Variants in GPR160 observed in about 807,000 individuals in gnomAD.
The protein encoded by GPR160 is probable G protein-coupled receptor 160.
GPR160 carries 2 observed loss-of-function variants against 2.6 expected under a neutral mutation model. The observed-to-expected ratio is 0.77, with a 90% confidence interval of 0.32 to 2.44. The LOEUF is 2.44. GPR160 is among the 30% of genes most tolerant of loss of function. GPR160 has a pLI of 0.11. For synonymous variants in GPR160, 130 were observed against 132.2 expected (o/e 0.98, Z 0.12); for missense variants, 351 against 383.6 (o/e 0.91, Z 0.71).
At chr3:170,052,717 A>G (rs1486377026) in intron 2 of GPR160, among the ~76,000 whole-genome samples, 4 of 152,202 alleles carry the variant, frequency 2.6e-5, no homozygotes, top group African/African-American at 7.2e-5. Flanking sequence ...GATGAACAGA[A>G]GAATCTAATT....
chr3:170,071,315 G>A (rs1374810772), intron 2 of GPR160, among the ~76,000 whole-genome samples: 1 of 152,162 alleles, frequency 6.6e-6, no homozygotes, highest in Non-Finnish European at 1.5e-5. Context: ...GTTCACGCAA[G>A]AGCTGGTCAT....
intron 2 of GPR160, among the ~76,000 whole-genome samples, chr3:170,076,385 C>T (rs763949153): frequency 3.3e-5 from 5 of 151,968 alleles, no homozygotes; most frequent in African/African-American, 2.4e-5. Flanking sequence ...ACACATCAAG[C>T]GAAGACCACA....
chr3:170,050,840 TTATC>T (rs1236093950), intron 2 of GPR160, among the ~76,000 whole-genome samples: 1 of 152,238 alleles, frequency 6.6e-6, no homozygotes, highest in East Asian at 1.9e-4. Context: ...TGCATTTTAT[TTATC>T]CACTCACCAG....
chr3:170,075,937 T>C (rs1175303175), intron 2 of GPR160, among the ~76,000 whole-genome samples: 1 of 152,196 alleles, frequency 6.6e-6, no homozygotes, highest in Non-Finnish European at 1.5e-5. Context: ...TAATTCTTGG[T>C]TATGTTCTAC....
intron 3 of GPR160, 54 bp from the exon 4 acceptor site, chr3:170,083,851 T>C: frequency 4.0e-6 from 2 of 499,634 alleles, no homozygotes; most frequent in Non-Finnish European, 7.0e-6. Context: ...GGTGCTTGCT[T>C]TGTAAAGTTT....
chr3:170,038,668 G>T lies in GPR160; in HGVS notation c.-321-247G>T, dbSNP rs997717927. On this transcript the variant is annotated intron_variant, in intron 1 of 3. Coordinates refer to ENST00000355897, the MANE Select transcript of GPR160 (RefSeq NM_014373.3). This position sits in a 1 kb window ranked among gnomAD's most constrained non-coding sequence, Gnocchi z 5.3. ...CTCACACACACGCGCGCGCGCGCGC[G>T]TGCGTGCATTCATTGGGGCCGACTT... 1 of 151,918 alleles carries T rather than the reference G, an allele frequency of 6.6e-6. No individual in the cohort carries two copies. The highest frequency in any genetic ancestry group is 6.5e-5 in the Admixed American group (1 of 15,272). The allele number at this position is 151,918 out of a possible 1,614,324, so 9.4% of individuals were successfully genotyped here.
At chr3:170,063,276 GT>G (rs1404665668) in intron 2 of GPR160, 1 of 151,634 alleles carries the variant, frequency 6.6e-6, no homozygotes, top group African/African-American at 2.4e-5. Context: ...GCTCACACCT[GT>G]AATCCCAGCA....
intron 2 of GPR160, among the ~76,000 whole-genome samples, chr3:170,064,541 C>T (rs1712207974): frequency 1.2e-5 from 1 of 85,718 alleles, no homozygotes; most frequent in Non-Finnish European, 2.4e-5. Flanking sequence ...TTTTTTGAGG[C>T]AGAGTCTCAC....
rs746390452 is a variant in GPR160 at position 170,084,571 on chromosome 3, G to T, written c.599G>T (p.Cys200Phe). 3 of 1,612,838 alleles carry T rather than the reference G, an allele frequency of 1.9e-6. No individual in the cohort carries two copies. The highest frequency in any genetic ancestry group is 1.1e-5 in the South Asian group (1 of 91,064). Residue 200 changes from cysteine to phenylalanine, a missense_variant, in exon 4 of 4, where the codon TGT (cysteine) becomes TTT (phenylalanine). Cys to Phe is a radical substitution (Grantham distance 205). Transcript: ENST00000355897. ...ATTTTATTTGTAGCTTTCATAACCT[G>T]TTGGGAAGAAGTTACTACTTTGGTA... Reference protein sequence around the residue: ...VMILFVAFITCWEEVTTLVQA... With the variant: ...VMILFVAFITFWEEVTTLVQA...
intron 2 of GPR160, among the ~76,000 whole-genome samples, chr3:170,075,483 A>G (rs1712805746): frequency 6.6e-6 from 1 of 152,166 alleles, no homozygotes; most frequent in Admixed American, 6.5e-5. Flanking sequence ...TAATGCAACA[A>G]AGGTTTATTT....
At chr3:170,044,809 C>T (rs1272066304) in intron 2 of GPR160, among the ~76,000 whole-genome samples, 1 of 152,184 alleles carries the variant, frequency 6.6e-6, no homozygotes, top group Non-Finnish European at 1.5e-5. Flanking sequence ...GCCTACCACT[C>T]TCCTGCTGAT....
chr3:170,045,554 C>T (rs1203631750), intron 2 of GPR160, among the ~76,000 whole-genome samples: 1 of 150,558 alleles, frequency 6.6e-6, no homozygotes, highest in Non-Finnish European at 1.5e-5. Flanking sequence ...CACGCCACTG[C>T]ACTCTAGCCT....
intron 2 of GPR160, among the ~76,000 whole-genome samples, chr3:170,039,977 G>A (rs763140558): frequency 2.0e-5 from 3 of 149,854 alleles, no homozygotes. Context: ...AAGCTGGGAA[G>A]AACACATGGA....
chr3:170,052,743 T>A (rs940764878), intron 2 of GPR160, among the ~76,000 whole-genome samples: 1 of 152,236 alleles, frequency 6.6e-6, no homozygotes, highest in Non-Finnish European at 1.5e-5. Context: ...GAGTTCACTT[T>A]ATCAATTTTT....
At chr3:170,053,959 T>C (rs1334265941) in intron 2 of GPR160, among the ~76,000 whole-genome samples, 1 of 151,946 alleles carries the variant, frequency 6.6e-6, no homozygotes. Context: ...TTTGGTTTTT[T>C]GTTTTTTTTT....
At chr3:170,044,806 ACT>A (rs969741055) in intron 2 of GPR160, among the ~76,000 whole-genome samples, 3 of 151,460 alleles carry the variant, frequency 2.0e-5, no homozygotes, top group Non-Finnish European at 4.4e-5. Context: ...TCTGCCTACC[ACT>A]CTCCTGCTGA....
chr3:170,084,743 A>AC lies in GPR160; in HGVS notation c.772dup (p.Leu258ProfsTer9). 1 of 1,610,180 alleles carries AC rather than the reference A, an allele frequency of 6.2e-7. No individual in the cohort carries two copies. Among genetic ancestry groups the AC allele is most frequent in the Non-Finnish European group, 8.5e-7 (1 of 1,176,826 alleles). On this transcript the variant is annotated frameshift_variant, in exon 4 of 4. Transcript: ENST00000355897. LOFTEE classifies it high-confidence loss of function. The stretch of plus-strand genomic sequence containing the variant: ...TCAGTACCTGGTTACCATTTGTACT[A>AC]CTTCAGGTAATCATTGTTTTACTTA...
chr3:170,064,045 G>C (rs1229545074), intron 2 of GPR160, among the ~76,000 whole-genome samples: 2 of 152,066 alleles, frequency 1.3e-5, no homozygotes, highest in African/African-American at 2.4e-5. Context: ...TAAAACACAG[G>C]AAACAACTTA....
intron 3 of GPR160, among the ~76,000 whole-genome samples, chr3:170,082,853 T>C (rs552034388): frequency 4.4e-4 from 67 of 151,874 alleles, no homozygotes; most frequent in African/African-American, 1.5e-3. Context: ...CCTTGGCCTC[T>C]CAAAATGCTG....
Sources: gnomAD v4.1 joint callset for allele counts (sites outside exome capture counted in the v4.1 genomes callset) on GRCh38, gnomAD v4.1.1 for gene constraint, Gnocchi (gnomAD v3.1) non-coding constraint, MANE v1.5 for transcripts, NCBI Gene and HGNC (gene_info 2026-07-23, HGNC 2026-07-21) for gene names.